Variants in NCOA1 observed in about 807,000 individuals in gnomAD.
NCOA1 encodes nuclear receptor coactivator 1, also known as Hin-2 protein.
NCOA1 carries 35 observed loss-of-function variants against 150.9 expected under a neutral mutation model. That is an observed-to-expected ratio of 0.23 (90% CI 0.18 to 0.31). The LOEUF (loss-of-function observed/expected upper bound fraction) is 0.31, where lower values mean the gene tolerates loss of function less well. Ranked by LOEUF, NCOA1 falls within the 10% of genes least tolerant of loss-of-function variation. The probability of loss-of-function intolerance (pLI) is 1.00; values close to 1 mark genes in which losing one functional copy is unlikely to be tolerated. For synonymous variants in NCOA1, 590 were observed against 630.0 expected, an observed-to-expected ratio of 0.94 and a Z score of 0.95; for missense variants, 1,491 against 1,749.3, an observed-to-expected ratio of 0.85 and a Z score of 2.63.
In NCOA1 at chr2:24,751,964, A is replaced by G. The variant is rs774425509; in HGVS notation, c.3707-18A>G. 6.3e-7 allele frequency: 1 copy of G among 1,599,962 alleles called. No homozygotes were observed. The highest frequency in any genetic ancestry group is 8.5e-7 in the Non-Finnish European group (1 of 1,173,730). On this transcript the variant is annotated intron_variant, in intron 19 of 22. Coordinates refer to ENST00000348332, the MANE Select transcript of NCOA1 (RefSeq NM_003743.5). ...ATTTATAGTGTATCAACATAAATTAATTTGTGTCAATTTACAGGAATGGTT... is the reference window on the plus strand; with the variant it reads ...ATTTATAGTGTATCAACATAAATTAGTTTGTGTCAATTTACAGGAATGGTT...
intron 17 of NCOA1, 64 bp downstream of exon 17, chr2:24,729,879 C>G (rs914323174): frequency 4.4e-5 from 66 of 1,507,914 alleles, no homozygotes; most frequent in Non-Finnish European, 5.4e-5. Flanking sequence ...CACCTGTCAC[C>G]AGGCTAGTGT....
In NCOA1 at chr2:24,568,370, A is replaced by C. The variant is rs987931620; in HGVS notation, c.-260+3940A>C. On this transcript the variant is annotated intron_variant, in intron 2 of 22. Coordinates refer to ENST00000348332, the MANE Select transcript of NCOA1 (RefSeq NM_003743.5). The stretch of plus-strand genomic sequence containing the variant: ...GTCTGGACTCAGTAAAACATTTGAA[A>C]GCAAATTTTGGCCAGTTATATTAAG... Among the ~76,000 whole-genome samples, 33 of 152,316 alleles carry C rather than the reference A, an allele frequency of 2.2e-4. 1 individual carries two copies. The highest frequency in any genetic ancestry group is 4.4e-4 in the Non-Finnish European group (30 of 68,026).
intron 1 of NCOA1, among the ~76,000 whole-genome samples, chr2:24,551,967 G>C (rs1407551208): frequency 6.6e-6 from 1 of 152,010 alleles, no homozygotes; most frequent in African/African-American, 2.4e-5. Flanking sequence ...ATAATATGTA[G>C]ATTTATTTCT....
rs186014128 is a variant in NCOA1, at chr2:24,637,924, G to A, written c.-174-6042G>A. Among the ~76,000 whole-genome samples the A allele has an allele frequency of 6.8e-4, 101 of 148,774 alleles. 1 individual carries two copies. The highest frequency in any genetic ancestry group is 1.7e-4 in the Non-Finnish European group (11 of 65,558). ...TTGGTCAGGCTGGTCTTGAACTCCC[G>A]AGCTCAAGTGATCTGCCCACCTCGG... On this transcript the variant is annotated intron_variant, in intron 3 of 22. Transcript: ENST00000348332.
chr2:24,585,135 A>C (rs945963864), intron 3 of NCOA1, among the ~76,000 whole-genome samples: 2 of 152,138 alleles, frequency 1.3e-5, no homozygotes, highest in Non-Finnish European at 2.9e-5. Flanking sequence ...GCTTCACCAC[A>C]TTATCCCATT....
At chr2:24,656,621 TC>T (rs1024715063) in intron 4 of NCOA1, among the ~76,000 whole-genome samples, 2 of 152,214 alleles carry the variant, frequency 1.3e-5, no homozygotes, top group Non-Finnish European at 2.9e-5. Flanking sequence ...TATCCTCTCC[TC>T]CTCACATCCT....
At chr2:24,692,110 G>A (rs1369081787) in intron 9 of NCOA1, among the ~76,000 whole-genome samples, 1 of 152,158 alleles carries the variant, frequency 6.6e-6, no homozygotes. Flanking sequence ...AAGAACAGAT[G>A]GAAACATGCT....
chr2:24,667,070 C>CA, intron 6 of NCOA1, among the ~76,000 whole-genome samples: 1 of 152,114 alleles, frequency 6.6e-6, no homozygotes, highest in Non-Finnish European at 1.5e-5. Flanking sequence ...GCACAAATAA[C>CA]AAACAGAAGG....
chr2:24,633,606 G>A (rs548811311), intron 3 of NCOA1, among the ~76,000 whole-genome samples: 1 of 152,242 alleles, frequency 6.6e-6, no homozygotes, highest in South Asian at 2.1e-4. Flanking sequence ...AGATGCCTAG[G>A]CTCCATAATA....
chr2:24,767,844 A>G, intron 22 of NCOA1: 2 of 452,654 alleles, frequency 4.4e-6, no homozygotes, highest in Non-Finnish European at 7.8e-6. Context: ...AATCATCCAT[A>G]GAATGGTTTT....
At chr2:24,533,255 T>C (rs1489664327) in intron 1 of NCOA1, among the ~76,000 whole-genome samples, 2 of 152,176 alleles carry the variant, frequency 1.3e-5, no homozygotes. Flanking sequence ...TCTCTGTCTG[T>C]TATTGGTATA....
chr2:24,714,051 A>G (rs1176991724), intron 14 of NCOA1, among the ~76,000 whole-genome samples: 1 of 152,218 alleles, frequency 6.6e-6, no homozygotes, highest in African/African-American at 2.4e-5. Flanking sequence ...CAGAACTCAC[A>G]CAAGATTGGA....
At chr2:24,754,661 CT>C in intron 20 of NCOA1, among the ~76,000 whole-genome samples, 1 of 152,248 alleles carries the variant, frequency 6.6e-6, no homozygotes, top group African/African-American at 2.4e-5. Context: ...CCATTCTTTA[CT>C]TTTTTCATAG....
chr2:24,701,165 G>T (rs1346445970), intron 11 of NCOA1, among the ~76,000 whole-genome samples: 1 of 151,818 alleles, frequency 6.6e-6, no homozygotes, highest in East Asian at 1.9e-4. Flanking sequence ...TGATGTAATG[G>T]ATCATCTTTT....
chr2:24,753,056 A>G (rs1664327519), intron 20 of NCOA1, among the ~76,000 whole-genome samples: 1 of 152,240 alleles, frequency 6.6e-6, no homozygotes, highest in African/African-American at 2.4e-5. Flanking sequence ...TCTAAAGTTC[A>G]TTGAAAGGTG....
chr2:24,768,653 C>A lies in NCOA1; in HGVS notation c.*262C>A. The A allele has an allele frequency of 3.6e-6, 1 of 276,378 alleles. No homozygotes were observed. Among genetic ancestry groups the A allele is most frequent in the Non-Finnish European group, 6.7e-6 (1 of 149,424 alleles). 17.1% of individuals were successfully genotyped at this position (276,378 alleles called of 1,614,324 possible). A position where few individuals can be genotyped will look rare whatever the true frequency, so the allele number is the denominator to read the frequency against. ...ACAGTTGGACAATCTATTTCTTGAG[C>A]CAAATTTAATTATTCTTATTTTTGT... On this transcript the variant is annotated 3_prime_UTR_variant, in exon 23 of 23. Transcript: ENST00000348332.
intron 1 of NCOA1, among the ~76,000 whole-genome samples, chr2:24,493,678 C>T (rs1409421246): frequency 6.6e-6 from 1 of 151,464 alleles, no homozygotes; most frequent in Non-Finnish European, 1.5e-5. Flanking sequence ...AATGCTTCTT[C>T]CTGCCTCTTT....
Position 24,739,469 on chromosome 2 carries a change from T to C in NCOA1, c.3239T>C (p.Phe1080Ser). 6.2e-7 allele frequency: 1 copy of C among 1,613,952 alleles called. No homozygotes were observed. Among genetic ancestry groups the C allele is most frequent in the Non-Finnish European group, 8.5e-7 (1 of 1,179,856 alleles). ...HQNRQAILNQFAATAPVGINM... is the reference protein window; with the variant it reads ...HQNRQAILNQSAATAPVGINM... The stretch of plus-strand genomic sequence containing the variant: ...AATCGGCAAGCTATCTTAAACCAGT[T>C]TGCAGCAACTGCTCCTGTTGGCATC... The change falls in exon 18 of 23, where the codon TTT becomes TCT. Residue 1080 changes from phenylalanine (F) to serine (S), a missense_variant. Physicochemically the swap from Phe to Ser is radical, Grantham distance 155. Coordinates refer to ENST00000348332, the MANE Select transcript of NCOA1 (RefSeq NM_003743.5).
chr2:24,498,814 C>T (rs1023009387), intron 1 of NCOA1, among the ~76,000 whole-genome samples: 2 of 151,994 alleles, frequency 1.3e-5, no homozygotes, highest in African/African-American at 2.4e-5. Flanking sequence ...TCCAAATTTA[C>T]GTGGATCTTT....
Sources: gnomAD v4.1 joint callset for allele counts (sites outside exome capture counted in the v4.1 genomes callset) on GRCh38, gnomAD v4.1.1 for gene constraint, MANE v1.5 for transcripts, NCBI Gene and HGNC (gene_info 2026-07-23, HGNC 2026-07-21) for gene names.